LRIG2: variants seen among roughly 807,000 people sequenced by gnomAD.
LRIG2 encodes leucine rich repeats and immunoglobulin like domains 2.
Under a neutral mutation model 107.8 loss-of-function variants are expected in LRIG2, and 93 were observed. The observed-to-expected ratio is 0.86, with a 90% CI of 0.73 to 1.03. The LOEUF (loss-of-function observed/expected upper bound fraction) is 1.03, where lower values mean the gene tolerates loss of function less well. Ranked by LOEUF, LRIG2 falls within the 50% of genes least tolerant of loss-of-function variation. LRIG2 has a pLI of 0.00. For missense variants in LRIG2, 1,226 were observed against 1,296.0 expected (o/e 0.95, Z 0.83); for synonymous variants, 471 against 470.6 (o/e 1.00, Z -0.01).
At chr1:113,106,535 C>T (rs1237869227) in intron 11 of LRIG2, among the ~76,000 whole-genome samples, 1 of 152,054 alleles carries the variant, frequency 6.6e-6, no homozygotes, top group Non-Finnish European at 1.5e-5. Flanking sequence ...GAGACAGTCT[C>T]ACTCTGTTGC....
At chr1:113,089,901 G>A (rs994728638) in intron 1 of LRIG2, among the ~76,000 whole-genome samples, 1 of 151,494 alleles carries the variant, frequency 6.6e-6, no homozygotes, top group Non-Finnish European at 1.5e-5. Context: ...CACTATGTTG[G>A]CCAGGCTGGT....
chr1:113,096,493 T>C, intron 8 of LRIG2, 128 bp downstream of exon 8: 1 of 967,270 alleles, frequency 1.0e-6, no homozygotes, highest in Non-Finnish European at 1.5e-6. Flanking sequence ...TTCTGTCCTA[T>C]GCCTCAGAGC....
chr1:113,109,066 G>A (rs1306029235), intron 12 of LRIG2, among the ~76,000 whole-genome samples: 1 of 152,002 alleles, frequency 6.6e-6, no homozygotes, highest in African/African-American at 2.4e-5. Context: ...TTGGAAGTTC[G>A]GGCTCACAAA....
chr1:113,113,229 ATG>A (rs975371342), intron 14 of LRIG2, among the ~76,000 whole-genome samples: 2 of 139,602 alleles, frequency 1.4e-5, no homozygotes, highest in African/African-American at 5.2e-5. Flanking sequence ...AAAAAAAAAG[ATG>A]TGTTTTCTGG....
At chr1:113,082,418 TC>T (rs1653330191) in intron 1 of LRIG2, among the ~76,000 whole-genome samples, 1 of 152,176 alleles carries the variant, frequency 6.6e-6, no homozygotes, top group South Asian at 2.1e-4. Context: ...TACAATTAAA[TC>T]AGACTGGGTA....
At position 113,129,754 on chromosome 1, in the gene LRIG2, T is replaced by G. The variant is rs1248876616; in HGVS notation, c.*5653T>G. On this transcript the variant is annotated 3_prime_UTR_variant, in exon 18 of 18. Transcript: ENST00000361127. ...AATGACCACTTTCAGGAGGAATACA[T>G]ACATTCTCTTGATTTGTTTGTCCCC... The G allele has an allele frequency of 6.6e-6, 1 of 152,140 alleles. No homozygotes were observed. Among genetic ancestry groups the G allele is most frequent in the East Asian group, 1.9e-4 (1 of 5,180 alleles). The allele number at this position is 152,140 out of a possible 1,614,324, so 9.4% of individuals were successfully genotyped here.
intron 4 of LRIG2, 101 bp from the exon 5 acceptor site, chr1:113,094,238 G>C: frequency 1.3e-6 from 1 of 747,188 alleles, no homozygotes; most frequent in Non-Finnish European, 2.1e-6. Flanking sequence ...GGCATTAAGT[G>C]ATAGAGCTGG....
chr1:113,105,390 C>G (rs1471304303), intron 11 of LRIG2, among the ~76,000 whole-genome samples: 3 of 152,134 alleles, frequency 2.0e-5, no homozygotes, highest in Non-Finnish European at 4.4e-5. Context: ...GGAGCTTTCT[C>G]TCCCTCTTGG....
intron 2 of LRIG2, among the ~76,000 whole-genome samples, chr1:113,092,846 G>A (rs1778027): frequency 0.36 from 54,614 of 151,776 alleles, 10,218 homozygotes; most frequent in East Asian, 0.65. Context: ...AAAATTAGCC[G>A]GGCGTGGTGG....
chr1:113,113,210 A>AC (rs1392451871), intron 14 of LRIG2, among the ~76,000 whole-genome samples: 12 of 42,512 alleles, frequency 2.8e-4, no homozygotes, highest in Non-Finnish European at 6.6e-4. Flanking sequence ...AAAATTTAAT[A>AC]CAAAAAAAAA....
rs560684425 is a variant in LRIG2 at position 113,093,115 on chromosome 1, A to G, written c.306-91A>G. On this transcript the variant is annotated intron_variant, in intron 2 of 17. Transcript: ENST00000361127. ...ATATTCTTTTTCAAATTTGGCACCTATTCTAAAGAATATGTGTTAGCCAGA... is the reference window on the plus strand; with the variant it reads ...ATATTCTTTTTCAAATTTGGCACCTGTTCTAAAGAATATGTGTTAGCCAGA... The G allele has an allele frequency of 6.5e-5, 49 of 757,878 alleles. No homozygotes were observed. In the South Asian group the frequency reaches 8.1e-4, roughly 12 times the overall value. The allele number at this position is 757,878 out of a possible 1,614,324, so 46.9% of individuals were successfully genotyped here.
rs1653918028 is a variant in LRIG2, at chr1:113,093,554, C to T, written c.505C>T (p.Leu169Phe). ...GACATCTTCATTTCCTCGCATGCAG[C>T]TTAAATACCTGTAAGTAACACAGAT... ...IKTSSFPRMQLKYLNLSNNRI... is the reference protein window; with the variant it reads ...IKTSSFPRMQFKYLNLSNNRI... The change falls in exon 4 of 18, where the codon CTT (leucine) becomes TTT (phenylalanine). Residue 169 changes from leucine (L) to phenylalanine (F), a missense_variant. Around this residue, in one of 3 missense-constraint regions of LRIG2, gnomAD observed 570 missense variants for 550.2 expected, o/e 1.04. Coordinates refer to ENST00000361127, the MANE Select transcript of LRIG2 (RefSeq NM_014813.3). 3.2e-6 allele frequency: 5 copies of T among 1,561,534 alleles called. No individual in the cohort carries two copies. In the African/African-American group the frequency reaches 5.8e-5, roughly 18 times the overall value.
chr1:113,130,901 G>A lies in LRIG2; in HGVS notation c.*6800G>A, dbSNP rs1037578149. The A allele has an allele frequency of 6.6e-6, 1 of 152,212 alleles. No homozygotes were observed. The highest frequency in any genetic ancestry group is 2.1e-4 in the South Asian group (1 of 4,816). The allele number at this position is 152,212 out of a possible 1,614,324, so 9.4% of individuals were successfully genotyped here. A position where few individuals can be genotyped will look rare whatever the true frequency, so the allele number is the denominator to read the frequency against. On this transcript the variant is annotated 3_prime_UTR_variant, in exon 18 of 18. Transcript: ENST00000361127. ...TATTACTATACTAACAAATTTAAAAGCCTATAATGTATTAAAACTCTTTTT... is the reference window on the plus strand; with the variant it reads ...TATTACTATACTAACAAATTTAAAAACCTATAATGTATTAAAACTCTTTTT...
chr1:113,075,395 A>G (rs1188381324), intron 1 of LRIG2, among the ~76,000 whole-genome samples: 1 of 152,236 alleles, frequency 6.6e-6, no homozygotes, highest in African/African-American at 2.4e-5. Flanking sequence ...TAGTCATTGA[A>G]AAAATTAACA....
intron 1 of LRIG2, among the ~76,000 whole-genome samples, chr1:113,088,418 T>G (rs902321167): frequency 2.6e-5 from 4 of 152,248 alleles, no homozygotes; most frequent in Non-Finnish European, 5.9e-5. Context: ...GAGTTTCATT[T>G]TATTGCTTTA....
intron 1 of LRIG2, among the ~76,000 whole-genome samples, chr1:113,074,970 C>T (rs1340038658): frequency 2.0e-5 from 3 of 151,916 alleles, no homozygotes; most frequent in African/African-American, 4.8e-5. Context: ...GTAATCCCAG[C>T]ACTCTGGGAG....
chr1:113,104,174 A>T (rs1008848401), intron 11 of LRIG2, among the ~76,000 whole-genome samples: 1 of 151,976 alleles, frequency 6.6e-6, no homozygotes, highest in Non-Finnish European at 1.5e-5. Context: ...ACTGCTCCTT[A>T]TTCCTCCTCT....
In LRIG2 at chr1:113,125,724, C is replaced by T. The variant is rs1570783586; in HGVS notation, c.*1623C>T. The T allele has an allele frequency of 6.6e-6, 1 of 152,154 alleles. No individual in the cohort carries two copies. Among genetic ancestry groups the T allele is most frequent in the Admixed American group, 6.6e-5 (1 of 15,262 alleles). The allele number at this position is 152,154 out of a possible 1,614,324, so 9.4% of individuals were successfully genotyped here. On this transcript the variant is annotated 3_prime_UTR_variant, in exon 18 of 18. Coordinates refer to ENST00000361127, the MANE Select transcript of LRIG2 (RefSeq NM_014813.3). Reference sequence around the variant, plus strand: ...TTGCCATGTTCTGACTGGGGTGAGCCGCTAGGATACAAATCACTATCACTG... The same window carrying T: ...TTGCCATGTTCTGACTGGGGTGAGCTGCTAGGATACAAATCACTATCACTG...
At chr1:113,078,638 A>ATTT (rs34531634) in intron 1 of LRIG2, among the ~76,000 whole-genome samples, 1 of 139,000 alleles carries the variant, frequency 7.2e-6, no homozygotes, top group African/African-American at 2.7e-5. Flanking sequence ...TCCTTTCTAC[A>ATTT]TTTTTTTTTT....
Sources: allele counts gnomAD v4.1 joint callset (sites outside exome capture counted in the v4.1 genomes callset), GRCh38; gene constraint gnomAD v4.1.1; regional missense constraint gnomAD v4.1.1; transcripts MANE v1.5; gene names NCBI Gene and HGNC (gene_info 2026-07-23, HGNC 2026-07-21).